Variants in LYG1 observed in about 807,000 individuals in gnomAD.
The protein encoded by LYG1 is lysozyme g-like protein 1.
LYG1 carries 17 observed loss-of-function variants against 21.7 expected under a neutral mutation model. The observed-to-expected ratio is 0.78, with a 90% confidence interval of 0.54 to 1.18. The LOEUF is 1.18. LYG1 is among the 50% of genes most tolerant of loss of function. LYG1 has a pLI of 0.00. For missense variants in LYG1, 211 were observed against 238.1 expected (o/e 0.89, Z 0.75); for synonymous variants, 81 against 87.4 (o/e 0.93, Z 0.41).
At chr2:99,287,990 C>T (rs936491754) in intron 5 of LYG1, among the ~76,000 whole-genome samples, 7 of 152,104 alleles carry the variant, frequency 4.6e-5, no homozygotes, top group Non-Finnish European at 1.0e-4. Flanking sequence ...GTTCTTATTA[C>T]ATGTGTTAAT....
upstream of LYG1, among the ~76,000 whole-genome samples, chr2:99,301,823 G>A (rs926886479): frequency 6.6e-6 from 1 of 150,624 alleles, no homozygotes; most frequent in African/African-American, 2.4e-5. Context: ...CCTCAGTTCA[G>A]CAATGTGGGG....
intron 4 of LYG1, 148 bp downstream of exon 4, chr2:99,292,388 C>A (rs998796761): frequency 2.5e-5 from 16 of 632,456 alleles, no homozygotes; most frequent in African/African-American, 2.4e-4. Context: ...GCCGCCTTGC[C>A]ACGGATGCAG....
At chr2:99,291,159 G>A (rs2094116791) in intron 5 of LYG1, 78 bp downstream of exon 5, 4 of 1,401,098 alleles carry the variant, frequency 2.9e-6, no homozygotes, top group Non-Finnish European at 4.0e-6. Flanking sequence ...GTTCTGTGAA[G>A]CTTTGCCATC....
rs530777276 is a variant in LYG1, at chr2:99,291,284, C to T, written c.286G>A (p.Gly96Ser). 4.7e-4 allele frequency: 751 copies of T among 1,614,084 alleles called. 6 individuals are homozygous for T. The South Asian group carries it at 7.8e-3, about 17-fold the overall frequency. ...IAGVLSRKSP[G>S]DKILVNMGDR... ...CCCATGTTGACCAGAATTTTGTCAC[C>T]GGGAGACTTCCTGGACAAGACACCA... The change falls in exon 5 of 7, where the codon GGT (glycine) becomes AGT (serine). Residue 96 changes from glycine (G) to serine (S), a missense_variant. Physicochemically the swap from Gly to Ser is moderately conservative, Grantham distance 56. Transcript: ENST00000308528.
intron 5 of LYG1, among the ~76,000 whole-genome samples, chr2:99,286,478 G>A (rs568194783): frequency 6.6e-6 from 1 of 152,262 alleles, no homozygotes; most frequent in African/African-American, 2.4e-5. Context: ...GGCCAAGGCA[G>A]GTGGGCTCAC....
At chr2:99,296,712 C>G (rs186593088) in intron 2 of LYG1, among the ~76,000 whole-genome samples, 12 of 152,298 alleles carry the variant, frequency 7.9e-5, no homozygotes, top group Non-Finnish European at 1.2e-4. Context: ...TTATTACTGT[C>G]ATTACATGTA....
intron 2 of LYG1, among the ~76,000 whole-genome samples, chr2:99,296,440 G>C (rs2094136688): frequency 6.6e-6 from 1 of 152,124 alleles, no homozygotes; most frequent in Non-Finnish European, 1.5e-5. Context: ...TGGCCAACAT[G>C]GAGCACCCGC....
At chr2:99,302,784 C>T (rs895937116), upstream of LYG1, among the ~76,000 whole-genome samples, 69 of 151,976 alleles carry the variant, frequency 4.5e-4, no homozygotes, top group Admixed American at 5.2e-4. Context: ...TTTGGGAGGC[C>T]GAGGCAGGTG....
At chr2:99,300,074 C>A (rs1206085675) in intron 1 of LYG1, among the ~76,000 whole-genome samples, 2 of 134,974 alleles carry the variant, frequency 1.5e-5, no homozygotes, top group Non-Finnish European at 3.3e-5. Context: ...TATTCTGCCA[C>A]TAAGATCTTT....
intron 1 of LYG1, among the ~76,000 whole-genome samples, chr2:99,300,778 G>C (rs1473405657): frequency 2.2e-5 from 3 of 136,730 alleles, no homozygotes; most frequent in Non-Finnish European, 4.6e-5. Context: ...CCCATTATTC[G>C]ATTTGCACAT....
rs1314321791 is a variant in LYG1, at chr2:99,288,432, T to A, written c.333+2805A>T. Among the ~76,000 whole-genome samples the A allele has an allele frequency of 1.6e-4, 25 of 152,334 alleles. 1 individual carries two copies. The South Asian group carries it at 5.0e-3, about 30-fold the overall frequency. On this transcript the variant is annotated intron_variant, in intron 5 of 6. Coordinates refer to ENST00000308528, the MANE Select transcript of LYG1 (RefSeq NM_174898.3). Reference sequence around the variant, plus strand: ...TTTTAATCTCGTTCATACATCTGTGTCTTTAAACCAGTAGGTTTCCTATAT... The same window carrying A: ...TTTTAATCTCGTTCATACATCTGTGACTTTAAACCAGTAGGTTTCCTATAT...
rs1290342576 is a variant in LYG1 at position 99,292,585 on chromosome 2, G to A, written c.99C>T (p.Thr33=). 1 of 1,614,012 alleles carries A rather than the reference G, an allele frequency of 6.2e-7. No homozygotes were observed. The highest frequency in any genetic ancestry group is 1.3e-5 in the African/African-American group (1 of 74,892). Residue 33 remains threonine, a synonymous_variant, in exon 4 of 7, where the codon ACC becomes ACT. Coordinates refer to ENST00000308528, the MANE Select transcript of LYG1 (RefSeq NM_174898.3). The stretch of plus-strand genomic sequence containing the variant: ...TTCCAATCCCACAAGATGCTCCAGG[G>A]GTGTCCAGGCTTTGGATGTTTCCAT... ...GCYGNIQSLD[T]PGASCGIGRR...
upstream of LYG1, among the ~76,000 whole-genome samples, chr2:99,302,846 C>A (rs1486827710): frequency 6.6e-6 from 1 of 151,872 alleles, no homozygotes; most frequent in Non-Finnish European, 1.5e-5. Flanking sequence ...GGCGAAACCC[C>A]ATCTCTACTA....
At chr2:99,284,565 T>G in intron 6 of LYG1, 54 bp from the exon 7 acceptor site, 1 of 1,596,586 alleles carries the variant, frequency 6.3e-7, no homozygotes, top group Non-Finnish European at 8.6e-7. Flanking sequence ...CAGTTAACTC[T>G]GATTCTCTTT....
intron 5 of LYG1, among the ~76,000 whole-genome samples, chr2:99,288,354 A>G (rs147986763): frequency 0.011 from 1,652 of 152,238 alleles, 9 homozygotes; most frequent in Middle Eastern, 0.024. Context: ...ACTTTTGCAT[A>G]TTCAAATGCT....
At chr2:99,291,447 G>A (rs781443057) in intron 4 of LYG1, 26 bp from the exon 5 acceptor site, 9 of 1,610,884 alleles carry the variant, frequency 5.6e-6, no homozygotes, top group Non-Finnish European at 7.6e-6. Context: ...AAGGAATGAT[G>A]CAGCTTGTTG....
chr2:99,288,943 T>G (rs2094110430), intron 5 of LYG1, among the ~76,000 whole-genome samples: 1 of 152,148 alleles, frequency 6.6e-6, no homozygotes. Context: ...TCCCCACCAC[T>G]GCTTCCAGCA....
At chr2:99,295,795 C>G in intron 2 of LYG1, 93 bp from the exon 3 acceptor site, 1 of 1,210,438 alleles carries the variant, frequency 8.3e-7, no homozygotes, top group South Asian at 1.2e-5. Flanking sequence ...GTGAAAAGAA[C>G]AAATTTCCCC....
rs2094089789 is a variant in LYG1 at position 99,284,292 on chromosome 2, G to A, written c.*101C>T. 2 of 987,192 alleles carry A rather than the reference G, an allele frequency of 2.0e-6. No homozygotes were observed. Among genetic ancestry groups the A allele is most frequent in the Non-Finnish European group, 3.1e-6 (2 of 642,762 alleles). The allele number at this position is 987,192 out of a possible 1,614,324, so 61.2% of individuals were successfully genotyped here. A position where few individuals can be genotyped will look rare whatever the true frequency, so the allele number is the denominator to read the frequency against. On this transcript the variant is annotated 3_prime_UTR_variant, in exon 7 of 7. Transcript: ENST00000308528. ...TTCATGTTATTTTAATGACTTTTAG[G>A]TCAAACTCAGATTCCCAGTTACAGG...
Sources: gnomAD v4.1 joint callset for allele counts (sites outside exome capture counted in the v4.1 genomes callset) on GRCh38, gnomAD v4.1.1 for gene constraint, MANE v1.5 for transcripts, NCBI Gene and HGNC (gene_info 2026-07-23, HGNC 2026-07-21) for gene names.